Variants in PRKACB observed in about 807,000 individuals in gnomAD.
PRKACB encodes the protein protein kinase cAMP-activated catalytic subunit beta.
Under a neutral mutation model 51.4 loss-of-function variants are expected in PRKACB, and 16 were observed. The ratio of observed to expected loss-of-function variants is 0.31; its 90% confidence interval spans 0.21 to 0.47. The LOEUF (loss-of-function observed/expected upper bound fraction) is 0.47, where lower values mean the gene tolerates loss of function less well. Ranked by LOEUF, PRKACB falls within the 20% of genes least tolerant of loss-of-function variation. PRKACB has a pLI of 1.00. For synonymous variants in PRKACB, 147 were observed against 154.4 expected, an observed-to-expected ratio of 0.95 and a Z score of 0.35; for missense variants, 309 against 464.5, an observed-to-expected ratio of 0.67 and a Z score of 3.08.
rs1447678740 is a variant in PRKACB, at chr1:84,237,123, C to T, written c.*1818C>T. The T allele has an allele frequency of 6.6e-6, 1 of 152,458 alleles. No homozygotes were observed. Among genetic ancestry groups the T allele is most frequent in the Admixed American group, 6.5e-5 (1 of 15,276 alleles). 9.4% of individuals were successfully genotyped at this position (152,458 alleles called of 1,614,324 possible). Reference sequence around the variant, plus strand: ...CATGTAAATGCTGATATTGATTTCACTGGTCCATCTATATTTAAAACGTGC... The same window carrying T: ...CATGTAAATGCTGATATTGATTTCATTGGTCCATCTATATTTAAAACGTGC... On this transcript the variant is annotated 3_prime_UTR_variant, in exon 10 of 10. Transcript: ENST00000370685.
At chr1:84,094,085 T>C (rs1648736592) in intron 1 of PRKACB, among the ~76,000 whole-genome samples, 1 of 151,460 alleles carries the variant, frequency 6.6e-6, no homozygotes, top group African/African-American at 2.4e-5. Flanking sequence ...TCCTTATACA[T>C]TTTTTTTGCC....
chr1:84,181,644 G>C, intron 2 of PRKACB: 2 of 1,428,746 alleles, frequency 1.4e-6, no homozygotes, highest in Non-Finnish European at 1.8e-6. Context: ...AAGAGAGAAA[G>C]CCACTAGGCT....
intron 3 of PRKACB, among the ~76,000 whole-genome samples, chr1:84,182,698 G>A (rs1345438339): frequency 6.6e-6 from 1 of 151,926 alleles, no homozygotes; most frequent in African/African-American, 2.4e-5. Flanking sequence ...AAGTAATCTA[G>A]AGATGATTTA....
chr1:84,127,177 A>G (rs1651692786), intron 1 of PRKACB, among the ~76,000 whole-genome samples: 1 of 152,238 alleles, frequency 6.6e-6, no homozygotes, highest in Admixed American at 6.5e-5. Context: ...TAGAAAATGT[A>G]CATTTGTACA....
intron 1 of PRKACB, among the ~76,000 whole-genome samples, chr1:84,176,378 C>G (rs1423527118): frequency 6.6e-6 from 1 of 151,750 alleles, no homozygotes; most frequent in Non-Finnish European, 1.5e-5. Flanking sequence ...CCACCAATAT[C>G]TAAACATAAT....
intron 2 of PRKACB, 36 bp downstream of exon 2, chr1:84,179,274 CT>C (rs1020091205): frequency 6.6e-7 from 1 of 1,508,564 alleles, no homozygotes; most frequent in Non-Finnish European, 8.8e-7. Flanking sequence ...AATTAAAAAT[CT>C]TGTATTAATA....
chr1:84,078,345 C>G, exon 1 of PRKACB: 1 of 1,612,438 alleles, frequency 6.2e-7, no homozygotes, highest in Non-Finnish European at 8.5e-7. Context: ...GCGGCGACCG[C>G]CAAGAAAGGC....
At chr1:84,078,101 C>CCGT (rs1647233058), upstream of PRKACB, 7 of 390,330 alleles carry the variant, frequency 1.8e-5, no homozygotes, top group Non-Finnish European at 3.1e-5. Context: ...ACCGCCGTCG[C>CCGT]CGCCGCCGCC....
At chr1:84,223,346 G>A (rs1375975225) in intron 9 of PRKACB, among the ~76,000 whole-genome samples, 4 of 149,556 alleles carry the variant, frequency 2.7e-5, no homozygotes, top group Non-Finnish European at 5.9e-5. Context: ...GTTCTGGGAT[G>A]GATCTGTTTG....
At chr1:84,232,401 A>T (rs1675849051) in intron 9 of PRKACB, among the ~76,000 whole-genome samples, 2 of 152,126 alleles carry the variant, frequency 1.3e-5, no homozygotes, top group South Asian at 4.1e-4. Flanking sequence ...TATTCTGTTG[A>T]TTTGGGGTAG....
At chr1:84,182,138 A>G (rs1401664223) in intron 2 of PRKACB, 62 bp from the exon 3 acceptor site, 4 of 1,184,912 alleles carry the variant, frequency 3.4e-6, no homozygotes, top group Non-Finnish European at 4.5e-6. Context: ...TTATTAAAGC[A>G]TTTATAATTC....
chr1:84,171,107 A>G (rs976606286), intron 1 of PRKACB, among the ~76,000 whole-genome samples: 21 of 151,610 alleles, frequency 1.4e-4, no homozygotes, highest in Non-Finnish European at 7.4e-5. Context: ...AACATTTTAA[A>G]TAACTTACCA....
At chr1:84,142,480 A>G (rs1299500444), upstream of PRKACB, among the ~76,000 whole-genome samples, 1 of 152,218 alleles carries the variant, frequency 6.6e-6, no homozygotes, top group African/African-American at 2.4e-5. Flanking sequence ...TGTGTAAGGC[A>G]CTACCAGATG....
intron 1 of PRKACB, among the ~76,000 whole-genome samples, chr1:84,096,684 A>G (rs1557922251): frequency 6.6e-6 from 1 of 152,104 alleles, no homozygotes; most frequent in Non-Finnish European, 1.5e-5. Context: ...TTATTTTAAC[A>G]AGAGTTTTTT....
At chr1:84,199,398 G>A (rs1047737188) in intron 7 of PRKACB, among the ~76,000 whole-genome samples, 1 of 152,032 alleles carries the variant, frequency 6.6e-6, no homozygotes, top group Non-Finnish European at 1.5e-5. Flanking sequence ...GTGAAAACAT[G>A]TGGTATTTGG....
chr1:84,234,503 C>T (rs1676380670), intron 9 of PRKACB, among the ~76,000 whole-genome samples: 1 of 152,250 alleles, frequency 6.6e-6, no homozygotes, highest in Non-Finnish European at 1.5e-5. Flanking sequence ...GCGGGCGCCC[C>T]TCCCCCAGCC....
At position 84,235,458 on chromosome 1, in the gene PRKACB, C is replaced by A; in HGVS notation, c.*153C>A. 2 of 943,492 alleles carry A rather than the reference C, an allele frequency of 2.1e-6. No homozygotes were observed. Among genetic ancestry groups the A allele is most frequent in the South Asian group, 1.6e-5 (1 of 61,594 alleles). 58.4% of individuals were successfully genotyped at this position (943,492 alleles called of 1,614,324 possible). On this transcript the variant is annotated 3_prime_UTR_variant, in exon 10 of 10. Coordinates refer to ENST00000370685, the MANE Select transcript of PRKACB (RefSeq NM_182948.4). Reference sequence around the variant, plus strand: ...TTATTGCCATCATCCCGTGTGCGCACTCTGCATCCACCTATGTAACAAGGC... The same window carrying A: ...TTATTGCCATCATCCCGTGTGCGCAATCTGCATCCACCTATGTAACAAGGC...
chr1:84,124,674 T>C (rs1651405832), intron 1 of PRKACB, among the ~76,000 whole-genome samples: 1 of 152,200 alleles, frequency 6.6e-6, no homozygotes, highest in African/African-American at 2.4e-5. Flanking sequence ...TTGAGGGTTC[T>C]CATGTGAGTG....
chr1:84,144,543 G>A lies in PRKACB; in HGVS notation c.182G>A (p.Arg61Lys). 1 of 1,562,662 alleles carries A rather than the reference G, an allele frequency of 6.4e-7. No homozygotes were observed. The highest frequency in any genetic ancestry group is 8.6e-7 in the Non-Finnish European group (1 of 1,162,942). Residue 61 changes from arginine (R) to lysine (K), a missense_variant, in exon 1 of 10, where the codon AGA (arginine) becomes AAA (lysine). This residue lies in a region of PRKACB where 153 missense variants were observed against 190.2 expected (regional missense o/e 0.80). Transcript: ENST00000370685. ...HFSEHTALWDRSMKEFLAKAK... is the reference protein window; with the variant it reads ...HFSEHTALWDKSMKEFLAKAK... ...TCTGAACATACTGCCTTATGGGACA[G>A]ATCAAGTAAGTTTTGTTTTTTAAAT... is the stretch of plus-strand genomic sequence containing the variant.
Sources: gnomAD v4.1 joint callset for allele counts (sites outside exome capture counted in the v4.1 genomes callset) on GRCh38, gnomAD v4.1.1 for gene constraint, gnomAD v4.1.1 regional missense constraint, MANE v1.5 for transcripts, NCBI Gene and HGNC (gene_info 2026-07-23, HGNC 2026-07-21) for gene names.